Variants in FARS2 observed in about 807,000 individuals in gnomAD.
FARS2 encodes phenylalanyl-tRNA synthetase 2, mitochondrial.
FARS2 carries 40 observed loss-of-function variants against 46.4 expected under a neutral mutation model. That is an observed-to-expected ratio of 0.86 (90% CI 0.67 to 1.12). The LOEUF is 1.12. Ranked by LOEUF, FARS2 falls within the 50% of genes most tolerant of loss-of-function variation. FARS2 has a pLI of 0.00. For synonymous variants in FARS2, 234 were observed against 214.9 expected (o/e 1.09, Z -0.78); for missense variants, 513 against 567.9 (o/e 0.90, Z 0.98).
chr6:5,579,737 T>A (rs1476273137), intron 5 of FARS2, among the ~76,000 whole-genome samples: 1 of 152,200 alleles, frequency 6.6e-6, no homozygotes, highest in East Asian at 1.9e-4. Context: ...TCTTGTTGAG[T>A]TATTAATGAT....
chr6:5,362,376 C>T (rs920116236), intron 1 of FARS2, among the ~76,000 whole-genome samples: 1 of 152,194 alleles, frequency 6.6e-6, no homozygotes, highest in Admixed American at 6.5e-5. Context: ...AGCGAGAGTT[C>T]TCCTAGTTCA....
At chr6:5,654,663 A>G (rs1434243418) in intron 6 of FARS2, among the ~76,000 whole-genome samples, 2 of 152,094 alleles carry the variant, frequency 1.3e-5, no homozygotes, top group Admixed American at 6.5e-5. Flanking sequence ...CGGGAGCCCC[A>G]TACACCACTG....
At chr6:5,368,051 G>T (rs979114174) in intron 1 of FARS2, among the ~76,000 whole-genome samples, 1 of 152,148 alleles carries the variant, frequency 6.6e-6, no homozygotes, top group Non-Finnish European at 1.5e-5. Flanking sequence ...TATGAGGATG[G>T]TCGGCAGAAA....
At chr6:5,683,034 G>A (rs1357820352) in intron 6 of FARS2, among the ~76,000 whole-genome samples, 1 of 151,426 alleles carries the variant, frequency 6.6e-6, no homozygotes, top group Non-Finnish European at 1.5e-5. Flanking sequence ...AGGGAAGCAG[G>A]GGCTGGGACA....
At chr6:5,723,641 A>T (rs183480125) in intron 6 of FARS2, among the ~76,000 whole-genome samples, 7 of 152,334 alleles carry the variant, frequency 4.6e-5, no homozygotes. Flanking sequence ...GTAACTGGGA[A>T]AAACCAAGAA....
At chr6:5,555,297 A>G (rs909826403) in intron 5 of FARS2, among the ~76,000 whole-genome samples, 1 of 152,142 alleles carries the variant, frequency 6.6e-6, no homozygotes, top group African/African-American at 2.4e-5. Flanking sequence ...AGTATCAGGT[A>G]TGTCTTCATC....
chr6:5,443,735 T>G (rs1763970538), intron 4 of FARS2, among the ~76,000 whole-genome samples: 1 of 152,228 alleles, frequency 6.6e-6, no homozygotes, highest in African/African-American at 2.4e-5. Flanking sequence ...TAGTGATTTG[T>G]TGATCAGCTG....
chr6:5,678,204 C>T (rs766711231), intron 6 of FARS2, among the ~76,000 whole-genome samples: 4 of 152,192 alleles, frequency 2.6e-5, no homozygotes, highest in Non-Finnish European at 4.4e-5. Context: ...GTGTTTCTAG[C>T]CTCCCACGTC....
intron 4 of FARS2, among the ~76,000 whole-genome samples, chr6:5,529,796 A>G (rs1044196423): frequency 6.6e-6 from 1 of 152,130 alleles, no homozygotes; most frequent in Non-Finnish European, 1.5e-5. Context: ...AGTAGCAAAC[A>G]TGATGAAAAC....
At chr6:5,535,632 C>G (rs1770146500) in intron 4 of FARS2, among the ~76,000 whole-genome samples, 1 of 152,144 alleles carries the variant, frequency 6.6e-6, no homozygotes, top group South Asian at 2.1e-4. Context: ...AAGTTTTCAA[C>G]TTTCACCATT....
intron 4 of FARS2, among the ~76,000 whole-genome samples, chr6:5,449,307 C>A (rs940125537): frequency 7.2e-6 from 1 of 139,420 alleles, no homozygotes; most frequent in Non-Finnish European, 1.5e-5. Context: ...CAAGACTTTG[C>A]CACTGCACTC....
intron 6 of FARS2, among the ~76,000 whole-genome samples, chr6:5,648,912 G>T (rs1469483247): frequency 6.6e-6 from 1 of 152,180 alleles, no homozygotes; most frequent in Non-Finnish European, 1.5e-5. Flanking sequence ...CTGGCACTTA[G>T]TAGGCGCTCA....
chr6:5,309,242 G>GATAT (rs1768928849), intron 1 of FARS2, among the ~76,000 whole-genome samples: 1 of 152,090 alleles, frequency 6.6e-6, no homozygotes, highest in Non-Finnish European at 1.5e-5. Flanking sequence ...ATTGCAGATA[G>GATAT]ACTCTCTAGG....
At chr6:5,770,878 C>T (rs993423638) in intron 6 of FARS2, among the ~76,000 whole-genome samples, 4 of 152,180 alleles carry the variant, frequency 2.6e-5, no homozygotes, top group Non-Finnish European at 5.9e-5. Flanking sequence ...AACACGGTTA[C>T]CTTCCATGAC....
At chr6:5,485,383 G>A (rs559066818) in intron 4 of FARS2, among the ~76,000 whole-genome samples, 1 of 152,204 alleles carries the variant, frequency 6.6e-6, no homozygotes, top group Admixed American at 6.5e-5. Context: ...AGCATTTTTT[G>A]CCTTCTCTTA....
intron 6 of FARS2, among the ~76,000 whole-genome samples, chr6:5,653,278 G>T (rs1777455262): frequency 1.3e-5 from 2 of 152,062 alleles, no homozygotes; most frequent in South Asian, 2.1e-4. Context: ...CCTACTACAG[G>T]GTAATTATGA....
At chr6:5,323,021 G>A (rs1261175745) in intron 1 of FARS2, among the ~76,000 whole-genome samples, 1 of 152,082 alleles carries the variant, frequency 6.6e-6, no homozygotes, top group Non-Finnish European at 1.5e-5. Flanking sequence ...TCTTTTGGAA[G>A]CAACTAATGC....
At chr6:5,390,010 A>G (rs1260125908) in intron 2 of FARS2, among the ~76,000 whole-genome samples, 1 of 152,066 alleles carries the variant, frequency 6.6e-6, no homozygotes, top group East Asian at 1.9e-4. Context: ...GATTACAGGC[A>G]CGCGCCACCA....
rs2150387116 is a variant in FARS2, at chr6:5,503,751, A to AT, written c.905-41422dup. Among the ~76,000 whole-genome samples the AT allele has an allele frequency of 2.0e-5, 3 of 152,248 alleles. No individual in the cohort carries two copies. The East Asian group carries it at 5.8e-4, about 29-fold the overall frequency. ...TTTACACAGAATGATTGAACTACAGATTTTTTTCAATACTGAAGTTAAATA... is the reference window on the plus strand; with the variant it reads ...TTTACACAGAATGATTGAACTACAGATTTTTTTTCAATACTGAAGTTAAATA... On this transcript the variant is annotated intron_variant, in intron 4 of 6. Transcript: ENST00000274680.
Sources: allele counts gnomAD v4.1 joint callset (sites outside exome capture counted in the v4.1 genomes callset), GRCh38; gene constraint gnomAD v4.1.1; transcripts MANE v1.5; gene names NCBI Gene and HGNC (gene_info 2026-07-23, HGNC 2026-07-21).